Variants in MGRN1 observed in about 807,000 individuals in gnomAD.
The protein encoded by MGRN1 is mahogunin ring finger 1, also known as E3 ubiquitin-protein ligase MGRN1.
In MGRN1, 29 loss-of-function variants were observed where a neutral mutation model predicts 69.2. That is an observed-to-expected ratio of 0.42 (90% CI 0.31 to 0.57). The LOEUF is 0.57. MGRN1 is among the 20% of genes least tolerant of loss of function. The pLI is 0.15. For missense variants in MGRN1, 998 were observed against 796.2 expected, an observed-to-expected ratio of 1.25 and a Z score of -3.05; for synonymous variants, 470 against 344.2, an observed-to-expected ratio of 1.37 and a Z score of -4.04.
chr16:4,633,267 T>C (rs975635487), intron 1 of MGRN1, among the ~76,000 whole-genome samples: 1 of 151,986 alleles, frequency 6.6e-6, no homozygotes, highest in Non-Finnish European at 1.5e-5. Context: ...TGGGTGCCCA[T>C]AATCCCAGCT....
intron 1 of MGRN1, among the ~76,000 whole-genome samples, chr16:4,628,334 C>T (rs1199466807): frequency 2.7e-5 from 4 of 148,236 alleles, no homozygotes; most frequent in South Asian, 2.1e-4. Context: ...TGCAGTGAGC[C>T]GAGATCACGC....
intron 1 of MGRN1, among the ~76,000 whole-genome samples, chr16:4,642,305 T>C (rs564709192): frequency 6.5e-4 from 98 of 151,834 alleles, no homozygotes; most frequent in African/African-American, 2.3e-3. Flanking sequence ...TTTATTTATT[T>C]ATTTATTTTT....
chr16:4,671,859 G>A (rs960820269), intron 9 of MGRN1, among the ~76,000 whole-genome samples: 14 of 152,182 alleles, frequency 9.2e-5, no homozygotes, highest in Non-Finnish European at 2.1e-4. Context: ...TGACAAATAA[G>A]CCGTGGTGTA....
At chr16:4,650,330 A>AG in intron 1 of MGRN1, 35 bp from the exon 2 acceptor site, 1 of 1,551,352 alleles carries the variant, frequency 6.4e-7, no homozygotes, top group East Asian at 2.2e-5. Flanking sequence ...AAAAAAAAAA[A>AG]AAAAATCTAT....
chr16:4,667,114 G>A lies in MGRN1; in HGVS notation c.679-1151G>A, dbSNP rs557784591. 1.2e-3 allele frequency among the ~76,000 whole-genome samples: 184 copies of A among 152,328 alleles called. 2 individuals are homozygous for A. Among genetic ancestry groups the A allele is most frequent in the African/African-American group, 4.0e-3 (168 of 41,578 alleles). ...GGGGGAAAGGATCCCGTGTGACAAG[G>A]CCCAGCCTGCCTGCTGCGGGCTTCA... is the stretch of plus-strand genomic sequence containing the variant. On this transcript the variant is annotated intron_variant, in intron 7 of 16. Coordinates refer to ENST00000262370, the MANE Select transcript of MGRN1 (RefSeq NM_015246.4).
At chr16:4,686,547 G>GC in intron 16 of MGRN1, 1 of 1,346,894 alleles carries the variant, frequency 7.4e-7, no homozygotes, top group Non-Finnish European at 9.5e-7. Flanking sequence ...GGACTAGGCG[G>GC]CCGGTCAGGC....
intron 1 of MGRN1, among the ~76,000 whole-genome samples, chr16:4,639,363 G>T (rs572031174): frequency 6.6e-6 from 1 of 152,276 alleles, no homozygotes; most frequent in South Asian, 2.1e-4. Flanking sequence ...GGAGGGAATA[G>T]CCCAGGCCGG....
At position 4,688,895 on chromosome 16, in the gene MGRN1, T is replaced by G; in HGVS notation, c.1718T>G (p.Leu573Arg). Reference protein sequence around the residue: ...GPSPDPSAAELTPL With the variant: ...GPSPDPSAAERTPL ...AGCCCCGATCCCAGCGCCGCCGAGC[T>G]GACCCCACTCTGAGAGCCTGGCCGA... Residue 573 changes from leucine (L) to arginine (R), a missense_variant, in exon 17 of 17, where the codon CTG (leucine) becomes CGG (arginine). Coordinates refer to ENST00000262370, the MANE Select transcript of MGRN1 (RefSeq NM_015246.4). 1 of 1,548,194 alleles carries G rather than the reference T, an allele frequency of 6.5e-7. No individual in the cohort carries two copies. The highest frequency in any genetic ancestry group is 8.7e-7 in the Non-Finnish European group (1 of 1,144,622).
chr16:4,673,397 C>T (rs2078984590), intron 9 of MGRN1, 101 bp from the exon 10 acceptor site: 4 of 1,469,270 alleles, frequency 2.7e-6, no homozygotes, highest in Non-Finnish European at 3.7e-6. Context: ...ATGACAGCCC[C>T]CAGGGTAGGG....
intron 1 of MGRN1, 75 bp downstream of exon 1, chr16:4,625,123 C>T: frequency 2.9e-6 from 4 of 1,359,132 alleles, no homozygotes; most frequent in Non-Finnish European, 3.9e-6. Flanking sequence ...GGGGCGGGGA[C>T]TCGGGGCGGG....
intron 8 of MGRN1, among the ~76,000 whole-genome samples, chr16:4,669,482 C>A (rs978893043): frequency 6.8e-6 from 1 of 147,208 alleles, no homozygotes; most frequent in South Asian, 2.2e-4. Flanking sequence ...CCCTGTAGAG[C>A]TCTAAGCTCT....
intron 10 of MGRN1, among the ~76,000 whole-genome samples, chr16:4,676,233 G>A (rs2079050323): frequency 6.6e-6 from 1 of 152,230 alleles, no homozygotes; most frequent in Admixed American, 6.5e-5. Context: ...GGCCGGCCCA[G>A]GCTGTCTGTC....
intron 16 of MGRN1, chr16:4,686,795 G>A (rs754153671): frequency 9.4e-5 from 93 of 989,172 alleles, no homozygotes; most frequent in East Asian, 1.1e-4. Flanking sequence ...CAGCAGACAC[G>A]TTAGGACGCT....
chr16:4,634,993 C>A (rs1034178706), intron 1 of MGRN1: 6 of 152,240 alleles, frequency 3.9e-5, no homozygotes, highest in African/African-American at 1.4e-4. Flanking sequence ...CAGATGCTCT[C>A]TGTGATGTCT....
intron 4 of MGRN1, among the ~76,000 whole-genome samples, chr16:4,655,236 G>GC (rs1052224855): frequency 1.3e-5 from 2 of 152,138 alleles, no homozygotes; most frequent in African/African-American, 2.4e-5. Context: ...TCTATCCGCT[G>GC]CCCCCCAGTG....
intron 16 of MGRN1, among the ~76,000 whole-genome samples, chr16:4,684,313 C>T (rs1474295383): frequency 1.3e-5 from 2 of 152,256 alleles, no homozygotes; most frequent in Non-Finnish European, 2.9e-5. Flanking sequence ...ACCACATGTT[C>T]CCCCACTCCT....
chr16:4,645,424 C>T (rs1048291451), intron 1 of MGRN1, among the ~76,000 whole-genome samples: 1 of 152,204 alleles, frequency 6.6e-6, no homozygotes, highest in African/African-American at 2.4e-5. Context: ...CTGCCTTGAT[C>T]TTCCAAAGCG....
intron 11 of MGRN1, among the ~76,000 whole-genome samples, chr16:4,678,271 C>T (rs546700569): frequency 3.6e-5 from 5 of 138,680 alleles, no homozygotes; most frequent in African/African-American, 1.2e-4. Context: ...AGGGCAGGCC[C>T]TGCTTCAGCA....
In MGRN1 at chr16:4,626,007, G is replaced by A. The variant is rs543937977; in HGVS notation, c.88+959G>A. Among the ~76,000 whole-genome samples the A allele has an allele frequency of 1.1e-4, 16 of 152,348 alleles. No homozygotes were observed. The South Asian group carries it at 2.5e-3, about 24-fold the overall frequency. On this transcript the variant is annotated intron_variant, in intron 1 of 16. Transcript: ENST00000262370. ...CTGAGTGTGGGCCAGGTCCACAAGT[G>A]GGGGAGGACTGCTAGACATGCCAGG...
Sources: allele counts gnomAD v4.1 joint callset (sites outside exome capture counted in the v4.1 genomes callset), GRCh38; gene constraint gnomAD v4.1.1; transcripts MANE v1.5; gene names NCBI Gene and HGNC (gene_info 2026-07-23, HGNC 2026-07-21).